Variants in SLC26A7 observed in about 807,000 individuals in gnomAD.
SLC26A7 encodes the protein anion exchange transporter.
In SLC26A7, 59 loss-of-function variants were observed where a neutral mutation model predicts 82.5. The ratio of observed to expected loss-of-function variants is 0.72; its 90% CI spans 0.58 to 0.89. SLC26A7 has a LOEUF of 0.89. SLC26A7 is among the 40% of genes least tolerant of loss of function. The pLI is 0.00. For synonymous variants in SLC26A7, 271 were observed against 274.3 expected (o/e 0.99, Z 0.12); for missense variants, 820 against 793.0 (o/e 1.03, Z -0.41).
chr8:91,277,289 A>G (rs71528792), intron 2 of SLC26A7, among the ~76,000 whole-genome samples: 13,109 of 152,246 alleles, frequency 0.086, 834 homozygotes, highest in African/African-American at 0.18. Context: ...AGTGGAGGCT[A>G]ATCATTCTCC....
intron 2 of SLC26A7, among the ~76,000 whole-genome samples, chr8:91,253,682 A>G (rs1458088145): frequency 6.6e-6 from 1 of 152,070 alleles, no homozygotes; most frequent in Non-Finnish European, 1.5e-5. Flanking sequence ...AATCCCTCCC[A>G]ATCTCCTGGG....
In SLC26A7 at chr8:91,321,506, T is replaced by C. The variant is rs188234893; in HGVS notation, c.642+3126T>C. On this transcript the variant is annotated intron_variant, in intron 5 of 18. Transcript: ENST00000276609. The stretch of plus-strand genomic sequence containing the variant: ...GTGAAACATTACTAAGGCTTTCCCC[T>C]AGAACTTTGAATGCCCTTCGAGAAT... 2.6e-3 allele frequency among the ~76,000 whole-genome samples: 394 copies of C among 152,310 alleles called. 2 individuals are homozygous for C. The highest frequency in any genetic ancestry group is 8.7e-3 in the African/African-American group (363 of 41,572).
chr8:91,303,012 T>C (rs1314913924), intron 4 of SLC26A7, among the ~76,000 whole-genome samples: 3 of 152,170 alleles, frequency 2.0e-5, no homozygotes, highest in Non-Finnish European at 2.9e-5. Context: ...CTACCATCTA[T>C]TTCTAAGGCA....
chr8:91,390,495 G>C (rs889803917), intron 16 of SLC26A7, among the ~76,000 whole-genome samples: 1 of 151,910 alleles, frequency 6.6e-6, no homozygotes, highest in African/African-American at 2.4e-5. Flanking sequence ...TGAATTGGTG[G>C]TGGTGGGACG....
At chr8:91,365,722 A>G (rs905453352) in intron 13 of SLC26A7, among the ~76,000 whole-genome samples, 1 of 152,196 alleles carries the variant, frequency 6.6e-6, no homozygotes, top group Non-Finnish European at 1.5e-5. Context: ...GAATTGTCCA[A>G]ATTAGCATAC....
At chr8:91,341,280 T>C (rs1813405691) in intron 8 of SLC26A7, among the ~76,000 whole-genome samples, 1 of 152,108 alleles carries the variant, frequency 6.6e-6, no homozygotes, top group African/African-American at 2.4e-5. Context: ...GAATGATGAT[T>C]TCCAATTTCA....
At chr8:91,333,657 G>C (rs1317713444) in intron 5 of SLC26A7, among the ~76,000 whole-genome samples, 1 of 152,074 alleles carries the variant, frequency 6.6e-6, no homozygotes, top group Non-Finnish European at 1.5e-5. Context: ...TTGCATTAAT[G>C]TATTGTTTTA....
Position 91,394,034 on chromosome 8 carries a change from A to T in SLC26A7, c.1930A>T (p.Asn644Tyr). ...TGCTGCAATAAGTCATATCCATTCA[A>T]ATAAGGTGAGTTGATTAAGTTGGGC... ...VSAAISHIHSNKNLSKLSDHS... is the reference protein window; with the variant it reads ...VSAAISHIHSYKNLSKLSDHS... The change falls in exon 18 of 19, where the codon AAT becomes TAT. Residue 644 changes from asparagine to tyrosine, a missense_variant. Transcript: ENST00000276609. 1 of 1,612,676 alleles carries T rather than the reference A, an allele frequency of 6.2e-7. No homozygotes were observed. The highest frequency in any genetic ancestry group is 8.5e-7 in the Non-Finnish European group (1 of 1,178,912).
chr8:91,235,901 C>CTTAG (rs1380064929), intron 2 of SLC26A7, among the ~76,000 whole-genome samples: 5 of 152,118 alleles, frequency 3.3e-5, no homozygotes, highest in African/African-American at 1.2e-4. Flanking sequence ...TAAAATCTCT[C>CTTAG]CTAAAAGCTA....
intron 2 of SLC26A7, among the ~76,000 whole-genome samples, chr8:91,285,965 A>T (rs944378767): frequency 6.6e-6 from 1 of 152,238 alleles, no homozygotes; most frequent in Non-Finnish European, 1.5e-5. Flanking sequence ...TGTCATATAA[A>T]TCTAAATAAA....
At chr8:91,218,196 A>G (rs1374980958) in intron 1 of SLC26A7, among the ~76,000 whole-genome samples, 1 of 152,154 alleles carries the variant, frequency 6.6e-6, no homozygotes, top group Non-Finnish European at 1.5e-5. Flanking sequence ...CAGTTGTGGA[A>G]ATCTTTTGGA....
At chr8:91,279,202 G>A (rs973577977) in intron 2 of SLC26A7, among the ~76,000 whole-genome samples, 1 of 138,482 alleles carries the variant, frequency 7.2e-6, no homozygotes, top group African/African-American at 2.7e-5. Context: ...ATCCTTTGAT[G>A]GACACTTAAG....
At chr8:91,285,224 C>T (rs1420011650) in intron 2 of SLC26A7, among the ~76,000 whole-genome samples, 4 of 152,328 alleles carry the variant, frequency 2.6e-5, no homozygotes, top group Middle Eastern at 3.4e-3. Context: ...GGCATTCACA[C>T]GACTTCCTTG....
At chr8:91,287,411 C>T (rs1283727089) in intron 2 of SLC26A7, among the ~76,000 whole-genome samples, 4 of 152,174 alleles carry the variant, frequency 2.6e-5, no homozygotes, top group Non-Finnish European at 5.9e-5. Context: ...ATAAGAGGGT[C>T]CAGCTGCTTC....
intron 4 of SLC26A7, among the ~76,000 whole-genome samples, chr8:91,314,353 C>T (rs1812572466): frequency 1.3e-5 from 2 of 152,114 alleles, no homozygotes; most frequent in South Asian, 2.1e-4. Context: ...ATCTGTGGGC[C>T]CCTCTTGCAA....
chr8:91,374,904 G>A (rs566437420), intron 15 of SLC26A7, among the ~76,000 whole-genome samples: 116 of 151,914 alleles, frequency 7.6e-4, no homozygotes, highest in African/African-American at 2.4e-3. Flanking sequence ...TATAAATCTG[G>A]GTGCTTCACT....
chr8:91,350,245 C>T (rs2130854215), intron 9 of SLC26A7, among the ~76,000 whole-genome samples: 1 of 152,194 alleles, frequency 6.6e-6, no homozygotes, highest in African/African-American at 2.4e-5. Context: ...CACTCTCCTT[C>T]TTCCCATATA....
At chr8:91,228,270 A>G (rs1810263813) in intron 2 of SLC26A7, among the ~76,000 whole-genome samples, 1 of 152,260 alleles carries the variant, frequency 6.6e-6, no homozygotes, top group Admixed American at 6.5e-5. Flanking sequence ...ACAGCACGGT[A>G]GTAAACATAG....
chr8:91,324,639 C>T (rs1047783037), intron 5 of SLC26A7, among the ~76,000 whole-genome samples: 5 of 152,034 alleles, frequency 3.3e-5, no homozygotes, highest in Non-Finnish European at 7.4e-5. Context: ...TTTTTGTTCC[C>T]GTGGAATTTT....
Sources: allele counts gnomAD v4.1 joint callset (sites outside exome capture counted in the v4.1 genomes callset), GRCh38; gene constraint gnomAD v4.1.1; transcripts MANE v1.5; gene names NCBI Gene and HGNC (gene_info 2026-07-23, HGNC 2026-07-21).